RPTOR: variants seen among roughly 807,000 people sequenced by gnomAD.
The protein encoded by RPTOR is regulatory associated protein of MTOR complex 1, also known as regulatory-associated protein of mTOR.
In RPTOR, 21 loss-of-function variants were observed where a neutral mutation model predicts 169.9. The ratio of observed to expected loss-of-function variants is 0.12; its 90% CI spans 0.09 to 0.18. RPTOR has a LOEUF of 0.18. Ranked by LOEUF, RPTOR falls within the 10% of genes least tolerant of loss-of-function variation. RPTOR has a pLI of 1.00. For missense variants in RPTOR, 1,133 were observed against 1,855.9 expected (o/e 0.61, Z 7.16); for synonymous variants, 732 against 753.2 (o/e 0.97, Z 0.46).
At chr17:80,690,162 A>G (rs8076854) in intron 3 of RPTOR, among the ~76,000 whole-genome samples, 26,704 of 151,790 alleles carry the variant, frequency 0.18, 3,750 homozygotes, top group African/African-American at 0.39. Flanking sequence ...ATCTTCAGTC[A>G]TTTTCAGCTG....
intron 17 of RPTOR, among the ~76,000 whole-genome samples, chr17:80,885,768 C>G (rs2068238922): frequency 1.3e-5 from 2 of 152,184 alleles, no homozygotes; most frequent in East Asian, 3.9e-4. Flanking sequence ...GTCTCGATCT[C>G]CTGACATCGT....
chr17:80,798,656 G>A (rs1056003861), intron 7 of RPTOR, among the ~76,000 whole-genome samples: 1 of 152,158 alleles, frequency 6.6e-6, no homozygotes, highest in Non-Finnish European at 1.5e-5. Flanking sequence ...ACCCTATGAT[G>A]CGCATTCACC....
At chr17:80,774,083 C>T (rs1218056417) in intron 6 of RPTOR, 10 of 985,248 alleles carry the variant, frequency 1.0e-5, no homozygotes, top group African/African-American at 1.7e-5. Flanking sequence ...TCATTGTGTT[C>T]ACTAGAAACA....
At chr17:80,781,996 G>A (rs981680128) in intron 6 of RPTOR, among the ~76,000 whole-genome samples, 2 of 152,214 alleles carry the variant, frequency 1.3e-5, no homozygotes, top group East Asian at 3.8e-4. Flanking sequence ...GAGCCACCTC[G>A]GTTTTGTCCC....
intron 9 of RPTOR, among the ~76,000 whole-genome samples, chr17:80,834,710 A>G (rs1489438897): frequency 1.3e-5 from 2 of 152,234 alleles, no homozygotes; most frequent in East Asian, 1.9e-4. Context: ...CGATGTCTCC[A>G]GTGCAGTTCA....
At chr17:80,794,135 C>T (rs374540052) in intron 7 of RPTOR, among the ~76,000 whole-genome samples, 1 of 152,138 alleles carries the variant, frequency 6.6e-6, no homozygotes, top group South Asian at 2.1e-4. Flanking sequence ...CTGAAAGACA[C>T]GCTGATATGA....
chr17:80,885,032 C>G lies in RPTOR; in HGVS notation c.1867C>G (p.Leu623Val). 6.2e-7 allele frequency: 1 copy of G among 1,609,984 alleles called. No homozygotes were observed. The highest frequency in any genetic ancestry group is 8.5e-7 in the Non-Finnish European group (1 of 1,178,906). The stretch of plus-strand genomic sequence containing the variant: ...GGTCCGCTGCGCAGCGGTCTTCGCC[C>G]TTGGCACGTTCGTGGGCAACTCTGC... ...PEVRCAAVFA[L>V]GTFVGNSAER... The change falls in exon 17 of 34, where the codon CTT becomes GTT. Residue 623 changes from leucine (L) to valine (V), a missense_variant. Physicochemically the swap from Leu to Val is conservative, Grantham distance 32. This residue lies in a region of RPTOR where 289 missense variants were observed against 585.8 expected (regional missense o/e 0.49). Coordinates refer to ENST00000306801, the MANE Select transcript of RPTOR (RefSeq NM_020761.3).
intron 24 of RPTOR, among the ~76,000 whole-genome samples, chr17:80,928,220 G>A (rs2143998568): frequency 6.6e-6 from 1 of 152,170 alleles, no homozygotes; most frequent in Admixed American, 6.5e-5. Flanking sequence ...TTCAGAAGAG[G>A]AAGCAGGACG....
intron 7 of RPTOR, among the ~76,000 whole-genome samples, chr17:80,808,982 A>G (rs1427415411): frequency 6.6e-6 from 1 of 152,328 alleles, no homozygotes; most frequent in African/African-American, 2.4e-5. Context: ...TTCATGTGCA[A>G]GTCTTTGTGT....
At chr17:80,928,544 T>C (rs1270308305) in intron 24 of RPTOR, among the ~76,000 whole-genome samples, 3 of 152,344 alleles carry the variant, frequency 2.0e-5, no homozygotes, top group African/African-American at 7.2e-5. Flanking sequence ...AGGATGAGCA[T>C]CCAAGGACAC....
intron 21 of RPTOR, among the ~76,000 whole-genome samples, chr17:80,911,613 C>T (rs965668774): frequency 1.3e-5 from 2 of 151,994 alleles, no homozygotes; most frequent in Non-Finnish European, 2.9e-5. Context: ...AGTGAAACCC[C>T]GTCTCTACAA....
In RPTOR at chr17:80,892,887, G is replaced by C. The variant is rs772220629; in HGVS notation, c.2242+18G>C. 1 of 1,611,820 alleles carries C rather than the reference G, an allele frequency of 6.2e-7. No individual in the cohort carries two copies. The highest frequency in any genetic ancestry group is 8.5e-7 in the Non-Finnish European group (1 of 1,179,026). On this transcript the variant is annotated intron_variant, in intron 19 of 33. Coordinates refer to ENST00000306801, the MANE Select transcript of RPTOR (RefSeq NM_020761.3). ...AGAGGAATGTAAGATCCTGGAAATC[G>C]GGTTATTGGATTGGGAGAGATTGGG... is the stretch of plus-strand genomic sequence containing the variant.
chr17:80,623,268 T>C (rs903593238), intron 1 of RPTOR, among the ~76,000 whole-genome samples: 1 of 152,150 alleles, frequency 6.6e-6, no homozygotes, highest in Non-Finnish European at 1.5e-5. Flanking sequence ...GCTGTATACT[T>C]TCAAAACCTG....
At chr17:80,745,551 T>C (rs2066564260) in intron 5 of RPTOR, among the ~76,000 whole-genome samples, 1 of 152,256 alleles carries the variant, frequency 6.6e-6, no homozygotes, top group Non-Finnish European at 1.5e-5. Context: ...CTCTTTTTGG[T>C]ACACTGTGTG....
At chr17:80,750,816 C>G (rs1184821672) in intron 5 of RPTOR, among the ~76,000 whole-genome samples, 1 of 152,050 alleles carries the variant, frequency 6.6e-6, no homozygotes, top group African/African-American at 2.4e-5. Flanking sequence ...CTTGGTGGTT[C>G]TTGGTGATTG....
rs191696948 is a variant in RPTOR at position 80,606,951 on chromosome 17, C to T, written c.163-18740C>T. On this transcript the variant is annotated intron_variant, in intron 1 of 33. Transcript: ENST00000306801. Reference sequence around the variant, plus strand: ...CTTGAGATTTCTAGAGGGAGCTACTCAGGTTAAGGATGCATTATCTAACAA... The same window carrying T: ...CTTGAGATTTCTAGAGGGAGCTACTTAGGTTAAGGATGCATTATCTAACAA... Among the ~76,000 whole-genome samples, 87 of 152,310 alleles carry T rather than the reference C, an allele frequency of 5.7e-4. No individual in the cohort carries two copies. In the East Asian group the frequency reaches 0.016, roughly 28 times the overall value.
At chr17:80,877,552 C>T (rs1269252438) in intron 13 of RPTOR, among the ~76,000 whole-genome samples, 1 of 152,194 alleles carries the variant, frequency 6.6e-6, no homozygotes, top group Non-Finnish European at 1.5e-5. Flanking sequence ...TGCTTCATTA[C>T]ACTCTCGTGA....
intron 4 of RPTOR, among the ~76,000 whole-genome samples, chr17:80,718,752 G>A (rs767398364): frequency 6.6e-6 from 1 of 152,228 alleles, no homozygotes; most frequent in Non-Finnish European, 1.5e-5. Flanking sequence ...CCTGGAGCCT[G>A]AATTGGGTTT....
intron 17 of RPTOR, among the ~76,000 whole-genome samples, chr17:80,888,185 G>C (rs936604218): frequency 1.3e-5 from 2 of 152,218 alleles, no homozygotes; most frequent in African/African-American, 4.8e-5. Context: ...CACAATCTCG[G>C]CTCACTGCAA....
Sources: allele counts gnomAD v4.1 joint callset (sites outside exome capture counted in the v4.1 genomes callset), GRCh38; gene constraint gnomAD v4.1.1; regional missense constraint gnomAD v4.1.1; transcripts MANE v1.5; gene names NCBI Gene and HGNC (gene_info 2026-07-23, HGNC 2026-07-21).